The following XKR3 variants were observed in gnomAD, a reference collection of about 807,000 sequenced individuals.
XKR3 encodes the protein XK-related protein 3.
A neutral mutation model predicts 40.3 loss-of-function variants in XKR3; 27 were observed. The observed-to-expected ratio is 0.67, with a 90% confidence interval of 0.49 to 0.92. The LOEUF is 0.92. Among genes scored for constraint, XKR3 ranks in the 40% least tolerant of loss-of-function variants. The pLI is 0.00. For missense variants in XKR3, 472 were observed against 537.6 expected, an observed-to-expected ratio of 0.88 and a Z score of 1.21; for synonymous variants, 193 against 195.4, an observed-to-expected ratio of 0.99 and a Z score of 0.10.
chr22:16,805,606 A>G (rs900094300), intron 2 of XKR3, among the ~76,000 whole-genome samples: 8 of 152,202 alleles, frequency 5.3e-5, no homozygotes, highest in African/African-American at 1.9e-4. Context: ...TCAGTTGGGA[A>G]ATGCAAAGGA....
intron 3 of XKR3, among the ~76,000 whole-genome samples, chr22:16,794,225 T>A (rs1451756489): frequency 4.6e-5 from 7 of 152,220 alleles, no homozygotes; most frequent in African/African-American, 1.7e-4. Flanking sequence ...CTATGTAAGA[T>A]GACCATTCCC....
intron 3 of XKR3, among the ~76,000 whole-genome samples, chr22:16,795,096 G>T (rs1383704905): frequency 2.6e-5 from 4 of 152,104 alleles, no homozygotes; most frequent in Non-Finnish European, 5.9e-5. Flanking sequence ...AACAAATGAA[G>T]AATTGTCATT....
At chr22:16,810,040 C>A (rs2060206519) in intron 1 of XKR3, among the ~76,000 whole-genome samples, 1 of 152,204 alleles carries the variant, frequency 6.6e-6, no homozygotes, top group Non-Finnish European at 1.5e-5. Flanking sequence ...GTGCAAGCCA[C>A]CACACCTGGC....
At chr22:16,790,544 C>T (rs2060111033) in intron 3 of XKR3, among the ~76,000 whole-genome samples, 1 of 151,990 alleles carries the variant, frequency 6.6e-6, no homozygotes, top group Admixed American at 6.6e-5. Flanking sequence ...CGCACTGTGG[C>T]CCATTAGAGG....
intron 1 of XKR3, among the ~76,000 whole-genome samples, chr22:16,809,154 T>A (rs2060202715): frequency 6.6e-6 from 1 of 152,210 alleles, no homozygotes; most frequent in African/African-American, 2.4e-5. Flanking sequence ...TTATCATAAA[T>A]ATTCCTCAAA....
rs957366054 is a variant in XKR3, at chr22:16,798,197, C to A, written c.589+1574G>T. On this transcript the variant is annotated intron_variant, in intron 3 of 3. Transcript: ENST00000684488. Reference sequence around the variant, plus strand: ...CTCCATCTCAAAAAAAAAAAAACAACAACAACAAAAACCCCCACAATTTCA... The same window carrying A: ...CTCCATCTCAAAAAAAAAAAAACAAAAACAACAAAAACCCCCACAATTTCA... Among the ~76,000 whole-genome samples the A allele has an allele frequency of 9.1e-4, 120 of 131,784 alleles. 1 individual carries two copies. The highest frequency in any genetic ancestry group is 1.2e-3 in the Non-Finnish European group (71 of 58,732). 86.5% of individuals were successfully genotyped at this position (131,784 alleles called of 152,430 possible). A position where few individuals can be genotyped will look rare whatever the true frequency, so the allele number is the denominator to read the frequency against.
At chr22:16,810,096 C>G (rs960067087) in intron 1 of XKR3, among the ~76,000 whole-genome samples, 2 of 152,186 alleles carry the variant, frequency 1.3e-5, no homozygotes, top group Non-Finnish European at 2.9e-5. Flanking sequence ...TTGAATTATT[C>G]CTGATGCATT....
intron 2 of XKR3, among the ~76,000 whole-genome samples, chr22:16,806,550 G>A (rs537068895): frequency 6.7e-6 from 1 of 148,342 alleles, no homozygotes; most frequent in East Asian, 2.0e-4. Context: ...AGATTCTCTG[G>A]CTTCAGCCTC....
At chr22:16,821,588 C>T (rs923244796) in intron 1 of XKR3, 1 of 151,772 alleles carries the variant, frequency 6.6e-6, no homozygotes, top group Non-Finnish European at 1.5e-5. Flanking sequence ...AAAATAAACA[C>T]AGCAGAATTT....
rs571176455 is a variant in XKR3 at position 16,811,731 on chromosome 22, G to T, written c.-10-3648C>A. 2.6e-5 allele frequency among the ~76,000 whole-genome samples: 4 copies of T among 152,182 alleles called. No homozygotes were observed. The East Asian group carries it at 7.7e-4, about 29-fold the overall frequency. ...ATTAAAAAAATGATTTAATATGGCC[G>T]GGCACGGTGGCTCACGCCTGAAATC... On this transcript the variant is annotated intron_variant, in intron 1 of 3. Coordinates refer to ENST00000684488, the MANE Select transcript of XKR3 (RefSeq NM_001386955.1).
intron 3 of XKR3, among the ~76,000 whole-genome samples, chr22:16,797,574 C>A (rs4819891): frequency 2.6e-5 from 4 of 151,436 alleles, no homozygotes; most frequent in Admixed American, 2.6e-4. Flanking sequence ...GGGCAGATCA[C>A]GAGGTCAGGA....
At chr22:16,791,032 G>A (rs2146144245) in intron 3 of XKR3, among the ~76,000 whole-genome samples, 2 of 152,222 alleles carry the variant, frequency 1.3e-5, no homozygotes, top group African/African-American at 4.8e-5. Context: ...GCATTATCCA[G>A]AAATTCCACT....
chr22:16,793,387 C>A (rs1459755201), intron 3 of XKR3, among the ~76,000 whole-genome samples: 1 of 152,206 alleles, frequency 6.6e-6, no homozygotes, highest in Non-Finnish European at 1.5e-5. Context: ...GTTCAATGTA[C>A]ACTTACATAT....
At chr22:16,805,681 C>T (rs866575858) in intron 2 of XKR3, among the ~76,000 whole-genome samples, 26 of 152,120 alleles carry the variant, frequency 1.7e-4, no homozygotes, top group Admixed American at 3.3e-4. Context: ...TTAATTAATA[C>T]GTTCTACTTA....
chr22:16,802,101 A>G (rs2060171733), intron 2 of XKR3, among the ~76,000 whole-genome samples: 1 of 152,194 alleles, frequency 6.6e-6, no homozygotes, highest in Admixed American at 6.5e-5. Context: ...TCCAATGGCC[A>G]TAATATATCA....
chr22:16,816,267 C>T (rs541649172), intron 1 of XKR3, among the ~76,000 whole-genome samples: 1 of 151,872 alleles, frequency 6.6e-6, no homozygotes, highest in African/African-American at 2.4e-5. Context: ...TTCAATCCCT[C>T]TCCCTACCCT....
At chr22:16,789,247 T>C (rs2060103923) in intron 3 of XKR3, among the ~76,000 whole-genome samples, 1 of 151,944 alleles carries the variant, frequency 6.6e-6, no homozygotes, top group Admixed American at 6.6e-5. Flanking sequence ...CCTAATGATA[T>C]TATATGGAAA....
intron 3 of XKR3, among the ~76,000 whole-genome samples, chr22:16,799,512 A>G (rs2060158518): frequency 6.6e-6 from 1 of 151,522 alleles, no homozygotes; most frequent in Non-Finnish European, 1.5e-5. Flanking sequence ...TCATCTCTAA[A>G]TATTATATCA....
At chr22:16,800,986 T>C (rs1267247074) in intron 2 of XKR3, among the ~76,000 whole-genome samples, 1 of 151,918 alleles carries the variant, frequency 6.6e-6, no homozygotes, top group Non-Finnish European at 1.5e-5. Context: ...AATTCGATAA[T>C]TGAAAAATAA....
Sources: gnomAD v4.1 joint callset for allele counts (sites outside exome capture counted in the v4.1 genomes callset) on GRCh38, gnomAD v4.1.1 for gene constraint, MANE v1.5 for transcripts, NCBI Gene and HGNC (gene_info 2026-07-23, HGNC 2026-07-21) for gene names.